Variants in ADGRB3 observed in about 807,000 individuals in gnomAD.
ADGRB3 encodes adhesion G protein-coupled receptor B3.
ADGRB3 carries 37 observed loss-of-function variants against 193.4 expected under a neutral mutation model. That is an observed-to-expected ratio of 0.19 (90% CI 0.15 to 0.25). The LOEUF is 0.25. Among genes scored for constraint, ADGRB3 ranks in the 10% least tolerant of loss-of-function variants. The pLI, the probability that ADGRB3 is intolerant of heterozygous loss-of-function variation, is 1.00. For missense variants in ADGRB3, 1,637 were observed against 1,852.9 expected (o/e 0.88, Z 2.14); for synonymous variants, 690 against 644.2 (o/e 1.07, Z -1.08).
chr6:69,111,588 T>A (rs972941117), intron 17 of ADGRB3, among the ~76,000 whole-genome samples: 4 of 152,208 alleles, frequency 2.6e-5, no homozygotes, highest in Admixed American at 2.6e-4. Context: ...AGTCACTCCT[T>A]AGCTTAGCAC....
At chr6:68,855,425 TTAATTTAATTTAATG>T (rs1206893221) in intron 3 of ADGRB3, among the ~76,000 whole-genome samples, 1 of 151,946 alleles carries the variant, frequency 6.6e-6, no homozygotes, top group Non-Finnish European at 1.5e-5. Context: ...TTAATTTAAT[TTAATTTAATTTAATG>T]TAATCATGTG....
chr6:69,233,406 C>T lies in ADGRB3; in HGVS notation c.2597C>T (p.Pro866Leu). 6.2e-7 allele frequency: 1 copy of T among 1,613,984 alleles called. No homozygotes were observed. The highest frequency in any genetic ancestry group is 1.1e-5 in the South Asian group (1 of 91,072). Residue 866 changes from proline to leucine, a missense_variant, in exon 18 of 32, where the codon CCT becomes CTT. Pro to Leu is a moderately conservative substitution (Grantham distance 98). Around this residue, in one of 7 missense-constraint regions of ADGRB3, gnomAD observed 641 missense variants for 673.9 expected, o/e 0.95. Coordinates refer to ENST00000370598, the MANE Select transcript of ADGRB3 (RefSeq NM_001704.3). Reference protein sequence around the residue: ...LSTFAILAQQPREIIMESSGT... With the variant: ...LSTFAILAQQLREIIMESSGT... ...ACCTTCGCCATTTTGGCTCAGCAACCTAGAGAAATAGTAAGTAACAAAGGG... is the reference window on the plus strand; with the variant it reads ...ACCTTCGCCATTTTGGCTCAGCAACTTAGAGAAATAGTAAGTAACAAAGGG...
At chr6:69,129,085 G>A (rs1213842179) in intron 17 of ADGRB3, among the ~76,000 whole-genome samples, 1 of 152,150 alleles carries the variant, frequency 6.6e-6, no homozygotes, top group East Asian at 1.9e-4. Flanking sequence ...CTTACGAACA[G>A]TAGCCATGTT....
intron 27 of ADGRB3, 59 bp downstream of exon 27, chr6:69,354,387 G>A: frequency 1.4e-6 from 2 of 1,428,218 alleles, no homozygotes. Context: ...GGGAATAAAA[G>A]AAATCCTTAT....
At chr6:68,832,537 A>G (rs145884711) in intron 3 of ADGRB3, among the ~76,000 whole-genome samples, 3 of 152,212 alleles carry the variant, frequency 2.0e-5, no homozygotes, top group Non-Finnish European at 4.4e-5. Context: ...ATATCAACAA[A>G]GATGATACGT....
intron 3 of ADGRB3, among the ~76,000 whole-genome samples, chr6:68,687,344 G>A (rs1041906066): frequency 1.3e-5 from 2 of 151,934 alleles, no homozygotes; most frequent in African/African-American, 4.8e-5. Flanking sequence ...TCTTCAAAAA[G>A]TTCATAGAAA....
chr6:69,347,226 A>T (rs935884278), intron 26 of ADGRB3, among the ~76,000 whole-genome samples: 5 of 152,056 alleles, frequency 3.3e-5, no homozygotes, highest in African/African-American at 9.7e-5. Flanking sequence ...GGCCTAGGGG[A>T]GGGATAGCAT....
rs2150271612 is a variant in ADGRB3, at chr6:68,986,909, G to T, written c.1735-6859G>T. On this transcript the variant is annotated intron_variant, in intron 10 of 31. Transcript: ENST00000370598. Reference sequence around the variant, plus strand: ...TGGCTGGCAGTAGGAGGCTTGAAATGAAAAGAATAAGGTTATTTCAGAAAC... The same window carrying T: ...TGGCTGGCAGTAGGAGGCTTGAAATTAAAAGAATAAGGTTATTTCAGAAAC... Among the ~76,000 whole-genome samples, 2 of 152,186 alleles carry T rather than the reference G, an allele frequency of 1.3e-5. 1 individual carries two copies. The highest frequency in any genetic ancestry group is 4.1e-4 in the South Asian group (2 of 4,820).
chr6:68,800,968 T>C (rs1164578193), intron 3 of ADGRB3, among the ~76,000 whole-genome samples: 1 of 152,164 alleles, frequency 6.6e-6, no homozygotes, highest in African/African-American at 2.4e-5. Flanking sequence ...TTGTACCTTA[T>C]AAACTGTTTA....
intron 20 of ADGRB3, 46 bp downstream of exon 20, chr6:69,239,272 G>T: frequency 1.5e-6 from 2 of 1,341,758 alleles, no homozygotes; most frequent in Non-Finnish European, 2.1e-6. Context: ...TTTATATTTT[G>T]GCATATTGTT....
chr6:69,257,057 T>G (rs187316085), intron 20 of ADGRB3, among the ~76,000 whole-genome samples: 1 of 152,288 alleles, frequency 6.6e-6, no homozygotes, highest in East Asian at 1.9e-4. Flanking sequence ...TGAAGCCCAC[T>G]TGATCACGGT....
At chr6:68,772,886 AAAAAAAAAATATATATATATATAT>A (rs1766653891) in intron 3 of ADGRB3, among the ~76,000 whole-genome samples, 1 of 41,524 alleles carries the variant, frequency 2.4e-5, no homozygotes, top group African/African-American at 8.4e-5. Flanking sequence ...AACAAACAAA[AAAAAAAAAATATATATATATATAT>A]ATATATATAT....
chr6:68,665,935 C>T (rs1336230028), intron 3 of ADGRB3, among the ~76,000 whole-genome samples: 1 of 151,742 alleles, frequency 6.6e-6, no homozygotes, highest in Non-Finnish European at 1.5e-5. Context: ...GCAGTATGAT[C>T]TCTTAGAAGT....
rs1009616352 is a variant in ADGRB3, at chr6:68,884,961, A to G, written c.758-45598A>G. Among the ~76,000 whole-genome samples, 11 of 152,324 alleles carry G rather than the reference A, an allele frequency of 7.2e-5. No homozygotes were observed. In the East Asian group the frequency reaches 2.1e-3, roughly 29 times the overall value. The stretch of plus-strand genomic sequence containing the variant: ...ATAAAACCCAGTACCTAATCTTAGG[A>G]AGTTGGTAATATAGGTAGAGAGATA... On this transcript the variant is annotated intron_variant, in intron 3 of 31. Coordinates refer to ENST00000370598, the MANE Select transcript of ADGRB3 (RefSeq NM_001704.3).
intron 17 of ADGRB3, among the ~76,000 whole-genome samples, chr6:69,145,249 A>G (rs1228051702): frequency 6.6e-6 from 1 of 152,220 alleles, no homozygotes; most frequent in Admixed American, 6.5e-5. Context: ...GTTACTGTGC[A>G]TAGCCAGGCA....
chr6:68,832,549 A>T (rs1015030629), intron 3 of ADGRB3, among the ~76,000 whole-genome samples: 3 of 152,186 alleles, frequency 2.0e-5, no homozygotes, highest in Non-Finnish European at 4.4e-5. Flanking sequence ...ATGATACGTT[A>T]CTGCCTTAAT....
chr6:69,348,905 A>G (rs1227316032), intron 26 of ADGRB3, among the ~76,000 whole-genome samples: 3 of 152,230 alleles, frequency 2.0e-5, no homozygotes, highest in Non-Finnish European at 4.4e-5. Flanking sequence ...CCAGTTGGAG[A>G]TAATTGTTTT....
chr6:69,062,232 C>G (rs1401088590), intron 15 of ADGRB3, among the ~76,000 whole-genome samples: 1 of 151,504 alleles, frequency 6.6e-6, no homozygotes, highest in African/African-American at 2.4e-5. Flanking sequence ...AAAGTTGGTT[C>G]AGTTTTATGT....
intron 17 of ADGRB3, among the ~76,000 whole-genome samples, chr6:69,119,192 AGGGAGAGTATTGAT>A (rs1221560880): frequency 2.0e-5 from 3 of 152,218 alleles, no homozygotes; most frequent in African/African-American, 7.2e-5. Flanking sequence ...AAGTTATTTT[AGGGAGAGTATTGAT>A]GAATGGCTGA....
Sources: allele counts gnomAD v4.1 joint callset (sites outside exome capture counted in the v4.1 genomes callset), GRCh38; gene constraint gnomAD v4.1.1; regional missense constraint gnomAD v4.1.1; transcripts MANE v1.5; gene names NCBI Gene and HGNC (gene_info 2026-07-23, HGNC 2026-07-21).